The following ST7 variants were observed in gnomAD, a reference collection of about 807,000 sequenced individuals.
The protein encoded by ST7 is suppression of tumorigenicity 7.
In ST7, 28 loss-of-function variants were observed where a neutral mutation model predicts 78.7. The observed-to-expected ratio is 0.36, with a 90% CI of 0.26 to 0.49. The LOEUF (loss-of-function observed/expected upper bound fraction) is 0.49. Ranked by LOEUF, ST7 falls within the 20% of genes least tolerant of loss-of-function variation. The pLI is 0.99. For missense variants in ST7, 418 were observed against 696.0 expected, an observed-to-expected ratio of 0.60 and a Z score of 4.49; for synonymous variants, 247 against 249.6, an observed-to-expected ratio of 0.99 and a Z score of 0.10.
At chr7:117,086,467 T>A (rs762801870) in intron 1 of ST7, among the ~76,000 whole-genome samples, 3 of 152,212 alleles carry the variant, frequency 2.0e-5, no homozygotes, top group Non-Finnish European at 2.9e-5. Context: ...AATTTCTTTC[T>A]TTTTCCTTCT....
In ST7 at chr7:117,097,880, C is replaced by CTATA. The variant is rs373598650; in HGVS notation, c.152-1856_152-1853dup. ...CACTATATATATATATGACATATCA[C>CTATA]TATATATATATATATATATATATAT... On this transcript the variant is annotated intron_variant, in intron 1 of 15. Coordinates refer to ENST00000323984, the MANE Select transcript of ST7 (RefSeq NM_001369598.1). Among the ~76,000 whole-genome samples, 23 of 10,600 alleles carry CTATA rather than the reference C, an allele frequency of 2.2e-3. 1 individual carries two copies. Among genetic ancestry groups the CTATA allele is most frequent in the East Asian group, 6.3e-3 (3 of 480 alleles). The allele number at this position is 10,600 out of a possible 152,430, so 7.0% of individuals were successfully genotyped here.
Position 117,186,176 on chromosome 7 carries a change from G to C in ST7, c.1079-3145G>C, listed in dbSNP as rs571455179. Among the ~76,000 whole-genome samples, 10 of 152,198 alleles carry C rather than the reference G, an allele frequency of 6.6e-5. No homozygotes were observed. The South Asian group carries it at 2.1e-3, about 32-fold the overall frequency. On this transcript the variant is annotated intron_variant, in intron 10 of 15. Coordinates refer to ENST00000323984, the MANE Select transcript of ST7 (RefSeq NM_001369598.1). ...CTTGCTGTAGATCTTAGCAGCCTCGGTGTATGATTTTTTTCTTTTTTTATT... is the reference window on the plus strand; with the variant it reads ...CTTGCTGTAGATCTTAGCAGCCTCGCTGTATGATTTTTTTCTTTTTTTATT...
At position 116,959,486 on chromosome 7, in the gene ST7, TATC is replaced by T. The variant is rs539302936; in HGVS notation, c.151+5798_151+5800del. 1,345 of 293,140 alleles carry T rather than the reference TATC, an allele frequency of 4.6e-3. 44 individuals are homozygous for T. The highest frequency in any genetic ancestry group is 0.042 in the South Asian group (1,285 of 30,882). 18.2% of individuals were successfully genotyped at this position (293,140 alleles called of 1,614,324 possible). ...TAATTCCTTGTACAAAGTAGGTCCT[TATC>T]ATTCACTGGATGAATGAATATCCAA... On this transcript the variant is annotated intron_variant, in intron 1 of 15. Transcript: ENST00000323984.
intron 15 of ST7, among the ~76,000 whole-genome samples, chr7:117,225,459 G>A (rs947205754): frequency 4.6e-5 from 7 of 152,114 alleles, no homozygotes; most frequent in Non-Finnish European, 8.8e-5. Flanking sequence ...CAAAATGTCT[G>A]TAGAGACTGT....
intron 1 of ST7, among the ~76,000 whole-genome samples, chr7:116,978,241 A>T (rs1009868246): frequency 6.6e-6 from 1 of 152,220 alleles, no homozygotes; most frequent in Non-Finnish European, 1.5e-5. Flanking sequence ...CTCTTACCAG[A>T]TAAGAAAGAA....
chr7:117,002,999 T>A (rs1795008691), intron 1 of ST7, among the ~76,000 whole-genome samples: 2 of 151,526 alleles, frequency 1.3e-5, no homozygotes, highest in South Asian at 4.2e-4. Flanking sequence ...ATTTTTTGTA[T>A]TTTTAGTAGA....
In ST7 at chr7:117,093,423, C is replaced by T. The variant is rs188931347; in HGVS notation, c.152-6339C>T. On this transcript the variant is annotated intron_variant, in intron 1 of 15. Coordinates refer to ENST00000323984, the MANE Select transcript of ST7 (RefSeq NM_001369598.1). ...AGTAATATAAGATGCCAAATCAGGC[C>T]GGGTGCAGTGGCTCACACCTGTAAT... is the stretch of plus-strand genomic sequence containing the variant. 3.0e-4 allele frequency among the ~76,000 whole-genome samples: 46 copies of T among 152,272 alleles called. No homozygotes were observed. The East Asian group carries it at 5.2e-3, about 17-fold the overall frequency.
At chr7:117,061,129 A>T (rs1033407517) in intron 1 of ST7, among the ~76,000 whole-genome samples, 2 of 152,174 alleles carry the variant, frequency 1.3e-5, no homozygotes, top group Non-Finnish European at 2.9e-5. Flanking sequence ...AATTAAAAGG[A>T]GTTTTAGGTC....
At chr7:117,066,622 G>T (rs1444237818) in intron 1 of ST7, among the ~76,000 whole-genome samples, 1 of 151,920 alleles carries the variant, frequency 6.6e-6, no homozygotes, top group Non-Finnish European at 1.5e-5. Context: ...TTAGCTGGGT[G>T]TGGTGGTGTG....
At chr7:117,111,851 C>T (rs977617176) in intron 2 of ST7, among the ~76,000 whole-genome samples, 2 of 150,926 alleles carry the variant, frequency 1.3e-5, no homozygotes, top group Non-Finnish European at 3.0e-5. Context: ...TTTTGCTTCG[C>T]TTTTGAGAGT....
intron 1 of ST7, among the ~76,000 whole-genome samples, chr7:116,977,636 C>T (rs1344470809): frequency 1.3e-5 from 2 of 152,240 alleles, no homozygotes; most frequent in Non-Finnish European, 2.9e-5. Context: ...ATTGCACCCT[C>T]TGCCTCCCAG....
At chr7:117,063,004 G>A (rs1318082023) in intron 1 of ST7, among the ~76,000 whole-genome samples, 1 of 152,132 alleles carries the variant, frequency 6.6e-6, no homozygotes, top group Admixed American at 6.5e-5. Context: ...AAATCCCTTG[G>A]TTTTGACCTT....
intron 12 of ST7, among the ~76,000 whole-genome samples, chr7:117,194,081 G>C (rs563683800): frequency 6.6e-6 from 1 of 152,288 alleles, no homozygotes; most frequent in South Asian, 2.1e-4. Context: ...CCTTGTCTCT[G>C]TTCTGAAGCA....
chr7:117,189,230 C>T, intron 10 of ST7, 91 bp from the exon 11 acceptor site: 1 of 821,742 alleles, frequency 1.2e-6, no homozygotes, highest in Non-Finnish European at 1.9e-6. Flanking sequence ...CTTTATTGCA[C>T]TTAAACGTGA....
At chr7:117,134,742 A>G (rs1238893679) in intron 7 of ST7, among the ~76,000 whole-genome samples, 2 of 152,004 alleles carry the variant, frequency 1.3e-5, no homozygotes, top group South Asian at 4.1e-4. Flanking sequence ...AATCACTTGT[A>G]TAGTTTCAGC....
Position 117,207,163 on chromosome 7 carries a change from TA to T in ST7, c.1255-2623del, listed in dbSNP as rs758806080. ...AGTTTCTTTTCATTTTTTTTTTTTT[TA>T]GGCGGAGTCTTGCTGTGTTGCCCAG... is the stretch of plus-strand genomic sequence containing the variant. On this transcript the variant is annotated intron_variant, in intron 12 of 15. Coordinates refer to ENST00000323984, the MANE Select transcript of ST7 (RefSeq NM_001369598.1). 3.6e-5 allele frequency among the ~76,000 whole-genome samples: 5 copies of T among 140,064 alleles called. No individual in the cohort carries two copies. In the East Asian group the frequency reaches 1.1e-3, roughly 31 times the overall value. 91.9% of individuals were successfully genotyped at this position (140,064 alleles called of 152,430 possible).
intron 1 of ST7, chr7:116,966,239 TTTTC>T (rs1040869868): frequency 4.7e-5 from 13 of 276,778 alleles, no homozygotes; most frequent in East Asian, 1.1e-4. Context: ...CTTTTTTCTT[TTTTC>T]TTTCTTTTTT....
chr7:117,059,807 C>CAAAAA (rs35792944), intron 1 of ST7, among the ~76,000 whole-genome samples: 2 of 31,980 alleles, frequency 6.3e-5, no homozygotes, highest in African/African-American at 2.1e-4. Context: ...TTCATCTCTG[C>CAAAAA]AAAAAAAAAA....
chr7:117,198,136 G>A (rs987251059), intron 12 of ST7, among the ~76,000 whole-genome samples: 4 of 152,230 alleles, frequency 2.6e-5, no homozygotes, highest in Non-Finnish European at 4.4e-5. Flanking sequence ...TATGGGAGGA[G>A]GGAGTTAATT....
Sources: allele counts gnomAD v4.1 joint callset (sites outside exome capture counted in the v4.1 genomes callset), GRCh38; gene constraint gnomAD v4.1.1; transcripts MANE v1.5; gene names NCBI Gene and HGNC (gene_info 2026-07-23, HGNC 2026-07-21).